Variants in FAM120C observed in about 807,000 individuals in gnomAD.
The protein encoded by FAM120C is family with sequence similarity 120 member C.
Under a neutral mutation model 71.2 loss-of-function variants are expected in FAM120C, and 14 were observed. That is an observed-to-expected ratio of 0.20 (90% CI 0.13 to 0.31). FAM120C has a LOEUF of 0.31. Among genes scored for constraint, FAM120C ranks in the 10% least tolerant of loss-of-function variants. The pLI is 1.00. For missense variants in FAM120C, 500 were observed against 879.0 expected, an observed-to-expected ratio of 0.57 and a Z score of 5.45; for synonymous variants, 354 against 353.2, an observed-to-expected ratio of 1.00 and a Z score of -0.03.
intron 15 of FAM120C, among the ~76,000 whole-genome samples, chrX:54,077,912 T>G (rs1217658510): frequency 2.0e-5 from 2 of 102,017 alleles, no homozygotes; most frequent in Non-Finnish European, 4.0e-5. Flanking sequence ...AGAGATGTAT[T>G]CACTAAGAGA....
intron 1 of FAM120C, among the ~76,000 whole-genome samples, chrX:54,175,361 G>A (rs2067311203): frequency 9.0e-6 from 1 of 110,866 alleles, no homozygotes. Context: ...GAACTGAAAA[G>A]CATTGTCCTG....
intron 10 of FAM120C, among the ~76,000 whole-genome samples, chrX:54,107,545 A>C (rs1410149885): frequency 9.3e-6 from 1 of 107,622 alleles, no homozygotes; most frequent in Non-Finnish European, 1.9e-5. Context: ...TTTGAGACAG[A>C]GTCTTACTCT....
At chrX:54,118,303 T>TAC (rs1445060544) in intron 9 of FAM120C, among the ~76,000 whole-genome samples, 1 of 110,920 alleles carries the variant, frequency 9.0e-6, no homozygotes, top group Non-Finnish European at 1.9e-5. Context: ...GTATCGATAG[T>TAC]ACATTCTTTT....
At chrX:54,160,710 T>C (rs1299843836) in intron 1 of FAM120C, among the ~76,000 whole-genome samples, 2 of 111,522 alleles carry the variant, frequency 1.8e-5, no homozygotes, top group African/African-American at 3.3e-5. Flanking sequence ...GGCTAACAGA[T>C]ACTGAATATG....
rs782091804 is a variant in FAM120C at position 54,134,331 on chromosome X, T to C, written c.1617-285A>G. 1.4e-4 allele frequency among the ~76,000 whole-genome samples: 16 copies of C among 111,960 alleles called. No individual in the cohort carries two copies. The South Asian group carries it at 6.0e-3, about 42-fold the overall frequency. ...GTTTGCTTATGTTTTAAGAAAATAA[T>C]CACAATTACAACCTCAAAGCAGCTC... On this transcript the variant is annotated intron_variant, in intron 7 of 15. Transcript: ENST00000375180.
chrX:54,143,746 G>A (rs1260376457), intron 4 of FAM120C, among the ~76,000 whole-genome samples: 1 of 111,904 alleles, frequency 8.9e-6, no homozygotes, highest in Non-Finnish European at 1.9e-5. Context: ...ATAAGGAGGA[G>A]CTGGTACCAT....
intron 4 of FAM120C, among the ~76,000 whole-genome samples, chrX:54,140,155 G>C (rs1189251791): frequency 9.3e-6 from 1 of 107,860 alleles, no homozygotes; most frequent in Non-Finnish European, 1.9e-5. Context: ...AATTAGCCGG[G>C]TGTGGTGGCG....
chrX:54,106,174 G>A (rs149383780), intron 10 of FAM120C, among the ~76,000 whole-genome samples: 2,938 of 111,212 alleles, frequency 0.026, 114 homozygotes, highest in African/African-American at 0.092. Context: ...ACAAGGCTAC[G>A]GTAACCAAAA....
chrX:54,128,118 C>G lies in FAM120C; in HGVS notation c.2062+4574G>C, dbSNP rs782490340. ...AGACTTGGTTCACGGCATCCTCCACCACCCAGATTCATGCAATTCTTGTGC... is the reference window on the plus strand; with the variant it reads ...AGACTTGGTTCACGGCATCCTCCACGACCCAGATTCATGCAATTCTTGTGC... On this transcript the variant is annotated intron_variant, in intron 9 of 15. Transcript: ENST00000375180. Among the ~76,000 whole-genome samples, 4 of 111,665 alleles carry G rather than the reference C, an allele frequency of 3.6e-5. No homozygotes were observed. In the East Asian group the frequency reaches 1.1e-3, roughly 31 times the overall value.
Position 54,159,506 on chromosome X carries a change from G to C in FAM120C, c.810C>G (p.Pro270=), listed in dbSNP as rs782194867. ...TCAGAGCATGGGAACTGTAGTAAGA[G>C]GGAATATTGTAGAGAGCATACTCGG... ...HDSEYALYNI[P]SYYSSHALKL... The change falls in exon 2 of 16, where the codon CCC becomes CCG. Residue 270 remains proline (P), a synonymous_variant. Transcript: ENST00000375180. The C allele has an allele frequency of 5.8e-6, 7 of 1,209,162 alleles. No homozygotes were observed. The African/African-American group carries it at 1.2e-4, about 21-fold the overall frequency.
Position 54,097,827 on chromosome X carries a change from C to T in FAM120C, c.2313-6401G>A, listed in dbSNP as rs186469418. On this transcript the variant is annotated intron_variant, in intron 10 of 15. Coordinates refer to ENST00000375180, the MANE Select transcript of FAM120C (RefSeq NM_017848.6). ...CTGCAAGCTCCACCTCCCAGGTTCA[C>T]GCCATTCTCCTGCCTCAGCCTCCCG... Among the ~76,000 whole-genome samples, 7 of 109,133 alleles carry T rather than the reference C, an allele frequency of 6.4e-5. No homozygotes were observed. The East Asian group carries it at 1.5e-3, about 23-fold the overall frequency. 94.8% of individuals were successfully genotyped at this position (109,133 alleles called of 115,157 possible). A position where few individuals can be genotyped will look rare whatever the true frequency, so the allele number is the denominator to read the frequency against.
intron 1 of FAM120C, among the ~76,000 whole-genome samples, chrX:54,163,994 G>T (rs1036434199): frequency 1.3e-4 from 14 of 108,155 alleles, no homozygotes; most frequent in African/African-American, 4.7e-4. Flanking sequence ...GTGCAGTGGC[G>T]CGATCTCGGC....
At chrX:54,092,427 C>A (rs2066828928) in intron 10 of FAM120C, among the ~76,000 whole-genome samples, 2 of 109,988 alleles carry the variant, frequency 1.8e-5, no homozygotes, top group Non-Finnish European at 3.8e-5. Flanking sequence ...CACCTGTAAT[C>A]CCAGCTACTC....
chrX:54,087,758 G>A lies in FAM120C; in HGVS notation c.2634C>T (p.Gly878=), dbSNP rs782237927. The change falls in exon 12 of 16, where the codon GGC becomes GGT. Residue 878 remains glycine (G), a synonymous_variant. Coordinates refer to ENST00000375180, the MANE Select transcript of FAM120C (RefSeq NM_017848.6). ...TAGCAGCCTGACATGCTGGTACCTG[G>A]CCATCACAGAGCTCAACCAGAGATA... The part of the protein sequence containing the change: ...ERVSLVELCD[G]QADLATKVEK... 3.3e-6 allele frequency: 4 copies of A among 1,208,822 alleles called. No individual in the cohort carries two copies. The South Asian group carries it at 7.0e-5, about 21-fold the overall frequency.
rs782315833 is a variant in FAM120C, at chrX:54,085,903, G to A, written c.2651C>T (p.Thr884Ile). The change falls in exon 13 of 16, where the codon ACC becomes ATC. Residue 884 changes from threonine to isoleucine, a missense_variant. By Grantham distance (89) the Thr-to-Ile change is moderately conservative. Coordinates refer to ENST00000375180, the MANE Select transcript of FAM120C (RefSeq NM_017848.6). ...ELCDGQADLA[T>I]KVEKMRQSIL... The stretch of plus-strand genomic sequence containing the variant: ...GCTCTGTCTCATCTTTTCCACTTTG[G>A]TTGCCAGGTCAGCCTTCAAATGAGG... The A allele has an allele frequency of 1.7e-6, 2 of 1,211,409 alleles. No individual in the cohort carries two copies. The highest frequency in any genetic ancestry group is 3.0e-5 in the East Asian group (1 of 33,842).
chrX:54,101,680 G>A (rs1282235939), intron 10 of FAM120C, among the ~76,000 whole-genome samples: 1 of 111,894 alleles, frequency 8.9e-6, no homozygotes, highest in Non-Finnish European at 1.9e-5. Flanking sequence ...CTACAACAAA[G>A]CCCTTGGAGA....
At chrX:54,151,222 T>A in intron 4 of FAM120C, 23 bp downstream of exon 4, 1 of 1,208,721 alleles carries the variant, frequency 8.3e-7, no homozygotes, top group Non-Finnish European at 1.1e-6. Context: ...GGAGGACTCT[T>A]AGGAAGGGGA....
chrX:54,098,339 C>T (rs1317881198), intron 10 of FAM120C, among the ~76,000 whole-genome samples: 1 of 111,751 alleles, frequency 8.9e-6, no homozygotes, highest in African/African-American at 3.2e-5. Flanking sequence ...CCGTGCCCGG[C>T]CTATTATGAA....
intron 15 of FAM120C, among the ~76,000 whole-genome samples, chrX:54,074,866 A>G (rs782319221): frequency 2.1e-4 from 24 of 112,413 alleles, no homozygotes; most frequent in Non-Finnish European, 3.8e-4. Flanking sequence ...GTGGTTGGAC[A>G]TGCCACATAC....
Sources: allele counts gnomAD v4.1 joint callset (sites outside exome capture counted in the v4.1 genomes callset), GRCh38; gene constraint gnomAD v4.1.1; transcripts MANE v1.5; gene names NCBI Gene and HGNC (gene_info 2026-07-23, HGNC 2026-07-21).